TPRG1: variants seen among roughly 807,000 people sequenced by gnomAD.
TPRG1 encodes tumor protein p63 regulated 1.
Under a neutral mutation model 29.3 loss-of-function variants are expected in TPRG1, and 29 were observed. The observed-to-expected ratio is 0.99, with a 90% CI of 0.74 to 1.35. The LOEUF is 1.35. Among genes scored for constraint, TPRG1 ranks in the 40% most tolerant of loss-of-function variants. TPRG1 has a pLI of 0.00. For synonymous variants in TPRG1, 130 were observed against 116.8 expected (o/e 1.11, Z -0.73); for missense variants, 327 against 335.0 (o/e 0.98, Z 0.19).
chr3:189,122,044 G>GTGTA (rs1455013687), intron 1 of TPRG1, among the ~76,000 whole-genome samples: 1 of 151,988 alleles, frequency 6.6e-6, no homozygotes, highest in East Asian at 1.9e-4. Context: ...GTGTGTGTTT[G>GTGTA]TGTATGTATG....
At chr3:189,200,176 A>G (rs56203773) in intron 1 of TPRG1, among the ~76,000 whole-genome samples, 18,786 of 152,214 alleles carry the variant, frequency 0.12, 1,480 homozygotes, top group African/African-American at 0.21. Context: ...GGAGCTGGGA[A>G]GGGAGAAAGC....
intron 4 of TPRG1, among the ~76,000 whole-genome samples, chr3:189,074,199 CT>C (rs554150288): frequency 0.06 from 4,084 of 68,198 alleles, 26 homozygotes; most frequent in African/African-American, 0.085. Flanking sequence ...AATTATTTTC[CT>C]TTTTTTTTTT....
chr3:189,237,516 G>C (rs1739716395), intron 3 of TPRG1, among the ~76,000 whole-genome samples: 1 of 152,096 alleles, frequency 6.6e-6, no homozygotes, highest in Admixed American at 6.6e-5. Context: ...ATACAATGAG[G>C]CCAAGTTTAT....
chr3:189,281,558 G>A (rs914142809), intron 4 of TPRG1, among the ~76,000 whole-genome samples: 3 of 152,068 alleles, frequency 2.0e-5, no homozygotes, highest in Admixed American at 6.5e-5. Context: ...GTGTGTGCAC[G>A]TGAGTGTGTA....
chr3:189,093,219 T>C (rs1342697630), intron 4 of TPRG1, among the ~76,000 whole-genome samples: 2 of 152,106 alleles, frequency 1.3e-5, no homozygotes, highest in East Asian at 1.9e-4. Context: ...ATATAAAAGA[T>C]GAAGGAGAAG....
At chr3:189,021,877 C>T (rs1019489664) in intron 3 of TPRG1, among the ~76,000 whole-genome samples, 16 of 152,196 alleles carry the variant, frequency 1.1e-4, no homozygotes, top group Non-Finnish European at 2.1e-4. Context: ...ACCAATGAGA[C>T]GTAGATTTGG....
chr3:189,134,540 A>G (rs577872923), intron 3 of TPRG1, among the ~76,000 whole-genome samples: 2 of 151,046 alleles, frequency 1.3e-5, no homozygotes, highest in East Asian at 2.0e-4. Context: ...AGCCTCCCCA[A>G]GTAGGTGGGA....
rs1731985163 is a variant in TPRG1 at position 189,193,178 on chromosome 3, C to T, written c.-9-14198C>T. Among the ~76,000 whole-genome samples, 4 of 120,848 alleles carry T rather than the reference C, an allele frequency of 3.3e-5. No homozygotes were observed. In the South Asian group the frequency reaches 1.1e-3, roughly 34 times the overall value. The allele number at this position is 120,848 out of a possible 152,430, so 79.3% of individuals were successfully genotyped here. ...TGAGATGAGGTCTTGCTTTGTCACT[C>T]AGATTGGAGTGCAGTGGCATAATTC... On this transcript the variant is annotated intron_variant, in intron 1 of 5. Transcript: ENST00000345063.
At chr3:189,315,616 G>A (rs1049722401) in intron 5 of TPRG1, 16 of 391,876 alleles carry the variant, frequency 4.1e-5, no homozygotes, top group African/African-American at 3.4e-4. Context: ...CTCTTTTCTT[G>A]TATTTCTATC....
intron 3 of TPRG1, among the ~76,000 whole-genome samples, chr3:189,023,215 A>G (rs1335350540): frequency 1.3e-5 from 2 of 152,076 alleles, no homozygotes; most frequent in Non-Finnish European, 2.9e-5. Flanking sequence ...GGAGCTGCAG[A>G]CCGGAGCTGT....
intron 4 of TPRG1, among the ~76,000 whole-genome samples, chr3:189,259,038 A>G (rs952086019): frequency 2.0e-5 from 3 of 152,046 alleles, no homozygotes; most frequent in Non-Finnish European, 4.4e-5. Flanking sequence ...CCAGGGACCA[A>G]TGGGGTATGA....
chr3:189,041,133 A>ATGTC (rs1714608181), intron 4 of TPRG1, among the ~76,000 whole-genome samples: 1 of 152,120 alleles, frequency 6.6e-6, no homozygotes, highest in Admixed American at 6.5e-5. Flanking sequence ...CCATTTTAGG[A>ATGTC]TGTCGCTAGG....
intron 1 of TPRG1, among the ~76,000 whole-genome samples, chr3:189,192,200 G>A (rs952968965): frequency 6.6e-6 from 1 of 152,120 alleles, no homozygotes; most frequent in Non-Finnish European, 1.5e-5. Flanking sequence ...TTTGAAGCCA[G>A]GTTTAGAAGA....
chr3:189,116,359 A>T (rs1440804844), intron 1 of TPRG1, among the ~76,000 whole-genome samples: 1 of 152,026 alleles, frequency 6.6e-6, no homozygotes, highest in African/African-American at 2.4e-5. Flanking sequence ...TTGTATTTTT[A>T]GTAGAGTTGA....
At chr3:189,166,476 G>A (rs573840344) in intron 5 of TPRG1, among the ~76,000 whole-genome samples, 28 of 152,290 alleles carry the variant, frequency 1.8e-4, no homozygotes, top group Admixed American at 3.9e-4. Context: ...TGCTGACAAG[G>A]AAGCCAAAGG....
At position 189,272,724 on chromosome 3, in the gene TPRG1, C is replaced by T. The variant is rs1375067891; in HGVS notation, c.479+33815C>T. 3.3e-3 allele frequency among the ~76,000 whole-genome samples: 463 copies of T among 138,914 alleles called. 5 individuals carry two copies. Among genetic ancestry groups the T allele is most frequent in the African/African-American group, 0.013 (438 of 33,810 alleles). The allele number at this position is 138,914 out of a possible 152,430, so 91.1% of individuals were successfully genotyped here. A position where few individuals can be genotyped will look rare whatever the true frequency, so the allele number is the denominator to read the frequency against. ...TTCTTTCTTTCTTTCTCCTTCCTTCCTTCCTTCCTTCCTTCCTTCCTTCCT... is the reference window on the plus strand; with the variant it reads ...TTCTTTCTTTCTTTCTCCTTCCTTCTTTCCTTCCTTCCTTCCTTCCTTCCT... On this transcript the variant is annotated intron_variant, in intron 4 of 5. Coordinates refer to ENST00000345063, the MANE Select transcript of TPRG1 (RefSeq NM_198485.4).
chr3:189,312,563 C>T (rs945166664), intron 5 of TPRG1, among the ~76,000 whole-genome samples: 62 of 152,064 alleles, frequency 4.1e-4, no homozygotes, highest in African/African-American at 1.4e-3. Flanking sequence ...ATTCCTCATA[C>T]CTTGTGCATT....
chr3:189,227,319 C>T (rs1458322601), intron 3 of TPRG1, among the ~76,000 whole-genome samples: 1 of 152,180 alleles, frequency 6.6e-6, no homozygotes, highest in African/African-American at 2.4e-5. Flanking sequence ...AGCAGGGTAA[C>T]TGGTGAGAAT....
At chr3:189,308,282 T>C (rs1721930361) in intron 4 of TPRG1, among the ~76,000 whole-genome samples, 1 of 152,214 alleles carries the variant, frequency 6.6e-6, no homozygotes, top group South Asian at 2.1e-4. Context: ...CTCCCGGACA[T>C]CCAGCTCACT....
Sources: gnomAD v4.1 joint callset for allele counts (sites outside exome capture counted in the v4.1 genomes callset) on GRCh38, gnomAD v4.1.1 for gene constraint, MANE v1.5 for transcripts, NCBI Gene and HGNC (gene_info 2026-07-23, HGNC 2026-07-21) for gene names.